DHX57: variants seen among roughly 807,000 people sequenced by gnomAD.
The protein encoded by DHX57 is DExH-box helicase 57.
In DHX57, 105 loss-of-function variants were observed where a neutral mutation model predicts 156.2. That is an observed-to-expected ratio of 0.67 (90% confidence interval 0.57 to 0.79). DHX57 has a LOEUF of 0.79. DHX57 is among the 30% of genes least tolerant of loss of function. The pLI, the probability that DHX57 is intolerant of heterozygous loss-of-function variation, is 0.00. For missense variants in DHX57, 1,847 were observed against 1,661.9 expected (o/e 1.11, Z -1.94); for synonymous variants, 704 against 595.6 (o/e 1.18, Z -2.65).
chr2:38,867,954 T>C (rs1380242536), intron 2 of DHX57, among the ~76,000 whole-genome samples: 1 of 152,212 alleles, frequency 6.6e-6, no homozygotes, highest in African/African-American at 2.4e-5. Flanking sequence ...TTTACTTTCC[T>C]AGTAACACTG....
chr2:38,861,781 A>C lies in DHX57; in HGVS notation c.629T>G (p.Val210Gly), dbSNP rs746087210. The change falls in exon 5 of 24, where the codon GTG becomes GGG. Residue 210 changes from valine to glycine, a missense_variant. Val to Gly is a moderately radical substitution (Grantham distance 109). Coordinates refer to ENST00000457308, the MANE Select transcript of DHX57 (RefSeq NM_198963.3). ...QAVLRMCDGD[V>G]GASLEHLLTQ... Reference sequence around the variant, plus strand: ...AAGGAGATGCTCTAGTGATGCTCCCACATCTCCATCACACATCCTCAGGAC... The same window carrying C: ...AAGGAGATGCTCTAGTGATGCTCCCCCATCTCCATCACACATCCTCAGGAC... 1 of 1,614,008 alleles carries C rather than the reference A, an allele frequency of 6.2e-7. No individual in the cohort carries two copies. The highest frequency in any genetic ancestry group is 1.1e-5 in the South Asian group (1 of 91,050).
In DHX57 at chr2:38,858,617, G is replaced by C. The variant is rs763257571; in HGVS notation, c.1587+44C>G. The C allele has an allele frequency of 3.8e-6, 6 of 1,563,720 alleles. No individual in the cohort carries two copies. The African/African-American group carries it at 5.5e-5, about 14-fold the overall frequency. On this transcript the variant is annotated intron_variant, in intron 6 of 23. Coordinates refer to ENST00000457308, the MANE Select transcript of DHX57 (RefSeq NM_198963.3). ...CCCTAATTCCTAATCCCATCATCCA[G>C]ATATTAGGGAGGCAACGTTACTCAT...
At chr2:38,850,809 T>A (rs1402941906) in intron 9 of DHX57, among the ~76,000 whole-genome samples, 1 of 152,158 alleles carries the variant, frequency 6.6e-6, no homozygotes, top group African/African-American at 2.4e-5. Flanking sequence ...GTGTGGTGGC[T>A]TACACCTGTA....
chr2:38,801,332 T>C (rs1669666596), intron 23 of DHX57, among the ~76,000 whole-genome samples: 2 of 150,984 alleles, frequency 1.3e-5, no homozygotes, highest in Admixed American at 6.6e-5. Context: ...CCTCGACCTC[T>C]TGGGCTTGAG....
chr2:38,862,375 A>C (rs1024130097), intron 3 of DHX57, 42 bp from the exon 4 acceptor site: 1 of 1,426,550 alleles, frequency 7.0e-7, no homozygotes, highest in Non-Finnish European at 9.3e-7. Flanking sequence ...ATTACTTTCT[A>C]CTTACTTCAA....
At chr2:38,863,874 G>A (rs564984132) in intron 2 of DHX57, among the ~76,000 whole-genome samples, 3 of 151,976 alleles carry the variant, frequency 2.0e-5, no homozygotes, top group Admixed American at 6.6e-5. Flanking sequence ...TTATCTGGGC[G>A]TGGCAGTGCG....
chr2:38,825,736 G>T (rs1164931064), intron 16 of DHX57, 111 bp downstream of exon 16: 2 of 1,043,812 alleles, frequency 1.9e-6, no homozygotes, highest in Non-Finnish European at 2.8e-6. Flanking sequence ...GAGATTATTG[G>T]TGGTCATTCT....
At chr2:38,872,591 G>C (rs1665405464) in intron 1 of DHX57, among the ~76,000 whole-genome samples, 1 of 152,188 alleles carries the variant, frequency 6.6e-6, no homozygotes, top group Admixed American at 6.5e-5. Context: ...TATGTTAATA[G>C]CTTACAAAAC....
At chr2:38,821,779 G>C (rs1445508221) in intron 17 of DHX57, among the ~76,000 whole-genome samples, 1 of 152,166 alleles carries the variant, frequency 6.6e-6, no homozygotes, top group Non-Finnish European at 1.5e-5. Context: ...AAGAAAAAGA[G>C]AGGGAAAGCT....
At chr2:38,806,357 T>G in intron 22 of DHX57, 1 of 533,772 alleles carries the variant, frequency 1.9e-6, no homozygotes, top group Non-Finnish European at 3.1e-6. Context: ...CTTTTTGGTA[T>G]TCAGTAGAAT....
intron 16 of DHX57, among the ~76,000 whole-genome samples, chr2:38,825,089 G>A (rs977917862): frequency 2.0e-5 from 3 of 151,556 alleles, no homozygotes; most frequent in Non-Finnish European, 4.4e-5. Flanking sequence ...TATGAATATC[G>A]GCAACTTAGA....
chr2:38,822,845 C>T, intron 17 of DHX57, 148 bp downstream of exon 17: 18 of 750,208 alleles, frequency 2.4e-5, no homozygotes, highest in South Asian at 1.2e-4. Flanking sequence ...TGACCTTCTC[C>T]CTCCCATGCA....
chr2:38,855,197 G>C lies in DHX57; in HGVS notation c.1765C>G (p.Pro589Ala), dbSNP rs140056476. Reference protein sequence around the residue: ...QFILDDSLNGPPEKVANIICT... With the variant: ...QFILDDSLNGAPEKVANIICT... ...ATGATGTTGGCTACCTTCTCAGGTGGTCCATTCAGAGAATCATCCAGAATA... is the reference window on the plus strand; with the variant it reads ...ATGATGTTGGCTACCTTCTCAGGTGCTCCATTCAGAGAATCATCCAGAATA... The change falls in exon 8 of 24, where the codon CCA (proline) becomes GCA (alanine). Residue 589 changes from proline to alanine, a missense_variant. Coordinates refer to ENST00000457308, the MANE Select transcript of DHX57 (RefSeq NM_198963.3). The C allele has an allele frequency of 1.0e-4, 165 of 1,614,122 alleles. No homozygotes were observed. In the African/African-American group the frequency reaches 2.1e-3, roughly 21 times the overall value.
intron 21 of DHX57, among the ~76,000 whole-genome samples, chr2:38,807,972 T>C (rs1670043568): frequency 7.9e-6 from 1 of 126,392 alleles, no homozygotes; most frequent in Admixed American, 8.5e-5. Flanking sequence ...TTTTTTTTTT[T>C]TGAGATGGAG....
intron 6 of DHX57, among the ~76,000 whole-genome samples, chr2:38,858,071 T>C (rs1672994134): frequency 6.6e-6 from 1 of 152,264 alleles, no homozygotes; most frequent in South Asian, 2.1e-4. Flanking sequence ...TTTGTTTTGT[T>C]TTGTTTTTGA....
At chr2:38,859,624 C>T (rs948405307) in intron 5 of DHX57, among the ~76,000 whole-genome samples, 1 of 152,034 alleles carries the variant, frequency 6.6e-6, no homozygotes, top group Admixed American at 6.5e-5. Context: ...ATTTGAATCC[C>T]ATGCGCTAGA....
chr2:38,862,035 A>T (rs1377449747), intron 4 of DHX57, 110 bp downstream of exon 4: 2 of 1,321,494 alleles, frequency 1.5e-6, no homozygotes, highest in African/African-American at 3.0e-5. Context: ...CCTATCAGGC[A>T]TTGCTGGAAC....
chr2:38,798,548 T>A, intron 23 of DHX57, 106 bp from the exon 24 acceptor site: 1 of 1,290,778 alleles, frequency 7.7e-7, no homozygotes, highest in Non-Finnish European at 1.0e-6. Context: ...TTTCTGGTAC[T>A]AATTTTAACT....
intron 2 of DHX57, among the ~76,000 whole-genome samples, chr2:38,865,141 A>C (rs1664997455): frequency 6.6e-6 from 1 of 152,162 alleles, no homozygotes; most frequent in Admixed American, 6.5e-5. Context: ...TTTAACTAAA[A>C]ATTTTTATTG....
Sources: gnomAD v4.1 joint callset for allele counts (sites outside exome capture counted in the v4.1 genomes callset) on GRCh38, gnomAD v4.1.1 for gene constraint, MANE v1.5 for transcripts, NCBI Gene and HGNC (gene_info 2026-07-23, HGNC 2026-07-21) for gene names.